The following MAD2L1 variants were observed in gnomAD, a reference collection of about 807,000 sequenced individuals.
MAD2L1 encodes the protein mitotic arrest deficient 2 like 1.
A neutral mutation model predicts 25.9 loss-of-function variants in MAD2L1; 10 were observed. The ratio of observed to expected loss-of-function variants is 0.39; its 90% CI spans 0.24 to 0.66. The LOEUF (loss-of-function observed/expected upper bound fraction) is 0.66, where lower values mean the gene tolerates loss of function less well. Among genes scored for constraint, MAD2L1 ranks in the 30% least tolerant of loss-of-function variants. The pLI, the probability that MAD2L1 is intolerant of heterozygous loss-of-function variation, is 0.49. For synonymous variants in MAD2L1, 81 were observed against 91.8 expected (o/e 0.88, Z 0.67); for missense variants, 180 against 246.4 (o/e 0.73, Z 1.80).
In MAD2L1 at chr4:120,056,050, G is replaced by A. The variant is rs1182354356; in HGVS notation, c.*4068C>T. 6.6e-6 allele frequency: 1 copy of A among 152,198 alleles called. No individual in the cohort carries two copies. Among genetic ancestry groups the A allele is most frequent in the East Asian group, 1.9e-4 (1 of 5,192 alleles). The allele number at this position is 152,198 out of a possible 1,614,324, so 9.4% of individuals were successfully genotyped here. A position where few individuals can be genotyped will look rare whatever the true frequency, so the allele number is the denominator to read the frequency against. On this transcript the variant is annotated 3_prime_UTR_variant, in exon 5 of 5. Coordinates refer to ENST00000296509, the MANE Select transcript of MAD2L1 (RefSeq NM_002358.4). ...TAAAGGGTAAGAGGAAAAAGGTGAC[G>A]AAACACTCCTTTTGATATGCTTGTT...
At chr4:120,064,595 A>G (rs1726281926) in intron 2 of MAD2L1, among the ~76,000 whole-genome samples, 1 of 152,186 alleles carries the variant, frequency 6.6e-6, no homozygotes, top group Non-Finnish European at 1.5e-5. Context: ...CACCCATACC[A>G]AAGAAATACC....
chr4:120,063,302 G>T (rs1726256691), intron 2 of MAD2L1, among the ~76,000 whole-genome samples: 1 of 152,190 alleles, frequency 6.6e-6, no homozygotes, highest in South Asian at 2.1e-4. Context: ...GGCTCAGATT[G>T]AGCCTTGAAG....
Position 120,060,302 on chromosome 4 carries a change from A to T in MAD2L1, c.446-12T>A, listed in dbSNP as rs758973421. The T allele has an allele frequency of 7.5e-6, 12 of 1,596,332 alleles. No homozygotes were observed. Among genetic ancestry groups the T allele is most frequent in the Non-Finnish European group, 5.1e-6 (6 of 1,167,900 alleles). On this transcript the variant is annotated splice_polypyrimidine_tract_variant and intron_variant, in intron 4 of 4. Transcript: ENST00000296509. ...CAGATCAAATGAACCTAAATTGGGGATAAGATCATTGAAGTATATTATTTT... is the reference window on the plus strand; with the variant it reads ...CAGATCAAATGAACCTAAATTGGGGTTAAGATCATTGAAGTATATTATTTT...
In MAD2L1 at chr4:120,060,943, C is replaced by T; in HGVS notation, c.376G>A (p.Asp126Asn). The change falls in exon 4 of 5, where the codon GAT (aspartate) becomes AAT (asparagine). Residue 126 changes from aspartate (D) to asparagine (N), a missense_variant. Transcript: ENST00000296509. Reference sequence around the variant, plus strand: ...TGTCTGATCACTGAACGGATTTCATCCTGGATAGCTTTCTGAGACTTTTCT... The same window carrying T: ...TGTCTGATCACTGAACGGATTTCATTCTGGATAGCTTTCTGAGACTTTTCT... Reference protein sequence around the residue: ...PREKSQKAIQDEIRSVIRQIT... With the variant: ...PREKSQKAIQNEIRSVIRQIT... 6.2e-7 allele frequency: 1 copy of T among 1,611,226 alleles called. No homozygotes were observed. The highest frequency in any genetic ancestry group is 8.5e-7 in the Non-Finnish European group (1 of 1,177,808).
rs1369945226 is a variant in MAD2L1 at position 120,056,223 on chromosome 4, T to C, written c.*3895A>G. 6.6e-6 allele frequency: 1 copy of C among 152,194 alleles called. No homozygotes were observed. Among genetic ancestry groups the C allele is most frequent in the Non-Finnish European group, 1.5e-5 (1 of 68,024 alleles). The allele number at this position is 152,194 out of a possible 1,614,324, so 9.4% of individuals were successfully genotyped here. A position where few individuals can be genotyped will look rare whatever the true frequency, so the allele number is the denominator to read the frequency against. ...AACCACGACACAATTTGCATGCCCA[T>C]TGACCCCCAGTTTTACTTGTGCACA... is the stretch of plus-strand genomic sequence containing the variant. On this transcript the variant is annotated 3_prime_UTR_variant, in exon 5 of 5. Transcript: ENST00000296509.
rs149949223 is a variant in MAD2L1 at position 120,062,082 on chromosome 4, C to T, written c.234G>A (p.Lys78=). The T allele has an allele frequency of 3.1e-6, 5 of 1,610,070 alleles. No homozygotes were observed. The highest frequency in any genetic ancestry group is 2.5e-6 in the Non-Finnish European group (3 of 1,178,484). The change falls in exon 3 of 5, where the codon AAG becomes AAA. Residue 78 remains lysine, a synonymous_variant. Coordinates refer to ENST00000296509, the MANE Select transcript of MAD2L1 (RefSeq NM_002358.4). ...VVEQLKDWLY[K]CSVQKLVVVI... ...CTACAACCAGTTTCTGAACTGAACA[C>T]TTGTATAACCAATCTGCAACATATA...
In MAD2L1 at chr4:120,055,634, A is replaced by G. The variant is rs1726095858; in HGVS notation, c.*4484T>C. The G allele has an allele frequency of 6.6e-6, 1 of 152,144 alleles. No individual in the cohort carries two copies. The highest frequency in any genetic ancestry group is 2.1e-4 in the South Asian group (1 of 4,824). 9.4% of individuals were successfully genotyped at this position (152,144 alleles called of 1,614,324 possible). ...TTCCATTTCACAGCTATTCCAATAT[A>G]AACTTTTATCAGTCACATTGAACAA... is the stretch of plus-strand genomic sequence containing the variant. On this transcript the variant is annotated 3_prime_UTR_variant, in exon 5 of 5. Transcript: ENST00000296509.
In MAD2L1 at chr4:120,060,137, T is replaced by C; in HGVS notation, c.599A>G (p.Lys200Arg). The C allele has an allele frequency of 1.9e-6, 3 of 1,601,846 alleles. No homozygotes were observed. The highest frequency in any genetic ancestry group is 1.7e-6 in the Non-Finnish European group (2 of 1,173,056). ...TCATCCTCAGTCATTGACAGGAATT[T>C]TGTAGGCCACCATGCTATTTACTTT... ...IHKVNSMVAY[K>R]IPVND The change falls in exon 5 of 5, where the codon AAA (lysine) becomes AGA (arginine). Residue 200 changes from lysine (K) to arginine (R), a missense_variant. Transcript: ENST00000296509.
At chr4:120,062,125 C>A (rs375320436) in intron 2 of MAD2L1, 30 bp from the exon 3 acceptor site, 159 of 1,596,012 alleles carry the variant, frequency 1.0e-4, no homozygotes, top group Non-Finnish European at 1.1e-4. Flanking sequence ...AGGCATCTTT[C>A]TTGGTCCACT....
intron 1 of MAD2L1, among the ~76,000 whole-genome samples, chr4:120,066,434 T>C (rs1726321664): frequency 6.7e-6 from 1 of 150,100 alleles, no homozygotes; most frequent in East Asian, 2.0e-4. Context: ...GGGTGGGAGG[T>C]GGGACGGATC....
intron 2 of MAD2L1, chr4:120,065,438 G>A (rs1726298315): frequency 1.7e-5 from 7 of 412,218 alleles, no homozygotes; most frequent in Non-Finnish European, 3.1e-5. Flanking sequence ...TAAGGGAGTT[G>A]ATGAAGACTA....
chr4:120,065,518 G>A, intron 2 of MAD2L1, 154 bp downstream of exon 2: 2 of 604,500 alleles, frequency 3.3e-6, no homozygotes, highest in South Asian at 2.7e-5. Flanking sequence ...GGTGGGGGAA[G>A]AGTGTATTTC....
intron 4 of MAD2L1, 63 bp from the exon 5 acceptor site, chr4:120,060,353 C>T: frequency 1.5e-6 from 2 of 1,351,068 alleles, no homozygotes; most frequent in South Asian, 1.6e-5. Flanking sequence ...ATCTTGCTGC[C>T]TCTCTTCTAT....
chr4:120,060,168 T>C lies in MAD2L1; in HGVS notation c.568A>G (p.Ile190Val), dbSNP rs61752608. The change falls in exon 5 of 5, where the codon ATC becomes GTC. Residue 190 changes from isoleucine (I) to valine (V), a missense_variant. Ile to Val is a conservative substitution (Grantham distance 29). Transcript: ENST00000296509. ...GCCACCATGCTATTTACTTTGTGGATTGTAGTAGTAAATGAACGAAGGCGG... is the reference window on the plus strand; with the variant it reads ...GCCACCATGCTATTTACTTTGTGGACTGTAGTAGTAAATGAACGAAGGCGG... ...EVRLRSFTTT[I>V]HKVNSMVAYK... is the part of the protein sequence containing the mutation. 5.4e-3 allele frequency: 8,755 copies of C among 1,611,508 alleles called. 44 individuals carry two copies. The highest frequency in any genetic ancestry group is 6.6e-3 in the Non-Finnish European group (7,767 of 1,179,036).
chr4:120,066,674 C>T lies in MAD2L1; in HGVS notation c.61G>A (p.Ala21Thr), dbSNP rs1416605594. The part of the protein sequence containing the change: ...ITLRGSAEIV[A>T]EFFSFGINSI... ...CGCGAGAACTTACAGAAGAACTCGG[C>T]CACGATTTCGGCGCTCCCGCGCAGG... The change falls in exon 1 of 5, where the codon GCC becomes ACC. Residue 21 changes from alanine to threonine, a missense_variant. Physicochemically the swap from Ala to Thr is moderately conservative, Grantham distance 58. Transcript: ENST00000296509. The T allele has an allele frequency of 1.2e-6, 2 of 1,603,804 alleles. No homozygotes were observed. Among genetic ancestry groups the T allele is most frequent in the East Asian group, 2.2e-5 (1 of 44,522 alleles).
intron 1 of MAD2L1, 78 bp downstream of exon 1, chr4:120,066,584 A>G: frequency 7.6e-7 from 1 of 1,320,794 alleles, no homozygotes. Flanking sequence ...CTTCTCTGGT[A>G]TCAGAGGCCG....
chr4:120,065,661 G>T lies in MAD2L1; in HGVS notation c.220+11C>A. 1 of 1,612,366 alleles carries T rather than the reference G, an allele frequency of 6.2e-7. No homozygotes were observed. The highest frequency in any genetic ancestry group is 1.1e-5 in the South Asian group (1 of 90,920). ...CTGCAAGACTCAAATTGTTTCCAATGATTAAAATACCTTTCAGTTGTTCCA... is the reference window on the plus strand; with the variant it reads ...CTGCAAGACTCAAATTGTTTCCAATTATTAAAATACCTTTCAGTTGTTCCA... On this transcript the variant is annotated intron_variant, in intron 2 of 4. Transcript: ENST00000296509.
chr4:120,065,524 A>G (rs921090460), intron 2 of MAD2L1, 148 bp downstream of exon 2: 1 of 645,456 alleles, frequency 1.5e-6, no homozygotes, highest in African/African-American at 1.8e-5. Flanking sequence ...GGAAGAGTGT[A>G]TTTCTTCCAT....
In MAD2L1 at chr4:120,061,853, T is replaced by C. The variant is rs1726223248; in HGVS notation, c.341+122A>G. The C allele has an allele frequency of 5.2e-6, 4 of 764,394 alleles. No homozygotes were observed. In the East Asian group the frequency reaches 1.2e-4, roughly 22 times the overall value. The allele number at this position is 764,394 out of a possible 1,614,324, so 47.4% of individuals were successfully genotyped here. A position where few individuals can be genotyped will look rare whatever the true frequency, so the allele number is the denominator to read the frequency against. On this transcript the variant is annotated intron_variant, in intron 3 of 4. Transcript: ENST00000296509. ...GTGACTGAGGATATCTTAGAAAATA[T>C]AAATTAGAAACAAACTATATTTTAT... is the stretch of plus-strand genomic sequence containing the variant.
Sources: gnomAD v4.1 joint callset for allele counts (sites outside exome capture counted in the v4.1 genomes callset) on GRCh38, gnomAD v4.1.1 for gene constraint, MANE v1.5 for transcripts, NCBI Gene and HGNC (gene_info 2026-07-23, HGNC 2026-07-21) for gene names.